RANBP17: variants seen among roughly 807,000 people sequenced by gnomAD.
RANBP17 encodes RAN binding protein 17.
Under a neutral mutation model 141.2 loss-of-function variants are expected in RANBP17, and 158 were observed. That is an observed-to-expected ratio of 1.12 (90% confidence interval 0.98 to 1.28). The LOEUF is 1.28. RANBP17 is among the 50% of genes most tolerant of loss of function. The pLI is 0.00. For missense variants in RANBP17, 1,438 were observed against 1,290.7 expected (o/e 1.11, Z -1.75); for synonymous variants, 430 against 450.0 (o/e 0.96, Z 0.56).
intron 5 of RANBP17, among the ~76,000 whole-genome samples, chr5:170,902,773 A>C (rs1028236047): frequency 5.9e-5 from 9 of 152,184 alleles, no homozygotes; most frequent in African/African-American, 2.2e-4. Flanking sequence ...TCTAACAGTC[A>C]GGCCCCTCTG....
intron 25 of RANBP17, among the ~76,000 whole-genome samples, chr5:171,287,901 G>A (rs956907169): frequency 6.6e-6 from 1 of 151,902 alleles, no homozygotes; most frequent in Non-Finnish European, 1.5e-5. Context: ...GGAGCAGGAG[G>A]GAATAGTCTG....
chr5:171,166,828 C>T (rs1430399751), intron 14 of RANBP17, among the ~76,000 whole-genome samples: 1 of 152,018 alleles, frequency 6.6e-6, no homozygotes, highest in Non-Finnish European at 1.5e-5. Context: ...TTTAAATGAC[C>T]CTGTCACACA....
At chr5:171,192,544 C>T (rs1231963905) in intron 18 of RANBP17, among the ~76,000 whole-genome samples, 3 of 152,184 alleles carry the variant, frequency 2.0e-5, no homozygotes, top group Middle Eastern at 3.4e-3. Context: ...TAAAGGGCAC[C>T]TCAGTTTTCT....
chr5:171,295,405 G>C (rs1307739235), intron 26 of RANBP17, among the ~76,000 whole-genome samples: 1 of 152,074 alleles, frequency 6.6e-6, no homozygotes, highest in East Asian at 1.9e-4. Context: ...CAGAGACTTG[G>C]AAAAAAGCCC....
chr5:171,124,029 C>A (rs1322638111), intron 14 of RANBP17, among the ~76,000 whole-genome samples: 1 of 151,156 alleles, frequency 6.6e-6, no homozygotes, highest in African/African-American at 2.4e-5. Context: ...AACAGATCCC[C>A]AAAAAAAGAA....
At chr5:170,972,832 G>T (rs1212549632) in intron 14 of RANBP17, among the ~76,000 whole-genome samples, 2 of 152,004 alleles carry the variant, frequency 1.3e-5, no homozygotes, top group South Asian at 4.1e-4. Context: ...GTAGGTGTCT[G>T]TTTCTATTGT....
chr5:171,217,798 G>A (rs769301483), intron 21 of RANBP17, among the ~76,000 whole-genome samples: 1 of 151,506 alleles, frequency 6.6e-6, no homozygotes, highest in Non-Finnish European at 1.5e-5. Context: ...TTCTTTATTA[G>A]TCTAGCTAGT....
intron 14 of RANBP17, among the ~76,000 whole-genome samples, chr5:171,139,335 A>G (rs982262895): frequency 2.6e-5 from 4 of 151,742 alleles, no homozygotes; most frequent in Non-Finnish European, 5.9e-5. Context: ...TCTCTTCCCT[A>G]CTCTACCCCA....
chr5:171,098,161 A>G (rs1403419773), intron 14 of RANBP17, among the ~76,000 whole-genome samples: 2 of 152,122 alleles, frequency 1.3e-5, no homozygotes, highest in African/African-American at 4.8e-5. Context: ...CAGTAATAGG[A>G]TTGCTGGGTC....
At chr5:171,050,181 T>C (rs1320102421) in intron 14 of RANBP17, among the ~76,000 whole-genome samples, 1 of 152,312 alleles carries the variant, frequency 6.6e-6, no homozygotes, top group East Asian at 1.9e-4. Context: ...ACCTTTAGAT[T>C]ACTTAACATT....
chr5:171,004,757 C>T (rs1387989055), intron 14 of RANBP17, among the ~76,000 whole-genome samples: 2 of 152,202 alleles, frequency 1.3e-5, no homozygotes, highest in South Asian at 2.1e-4. Context: ...ACAGTCTGAC[C>T]TCCAGCGGGG....
intron 14 of RANBP17, among the ~76,000 whole-genome samples, chr5:170,991,185 AT>A (rs901063442): frequency 6.6e-6 from 1 of 151,506 alleles, no homozygotes; most frequent in Non-Finnish European, 1.5e-5. Context: ...AAGTAGCTTT[AT>A]TTTTTTGAAG....
chr5:170,970,895 A>G (rs796994446), intron 14 of RANBP17, among the ~76,000 whole-genome samples: 30 of 152,228 alleles, frequency 2.0e-4, no homozygotes, highest in African/African-American at 7.0e-4. Context: ...ATAGACTGTA[A>G]TTTTGGTTAG....
intron 2 of RANBP17, among the ~76,000 whole-genome samples, chr5:170,881,244 T>C (rs1328251441): frequency 1.3e-5 from 2 of 152,168 alleles, no homozygotes; most frequent in African/African-American, 4.8e-5. Context: ...AGGGAGTATC[T>C]TTGCAAGAAT....
chr5:171,066,776 C>A (rs1236603818), intron 14 of RANBP17, among the ~76,000 whole-genome samples: 2 of 152,158 alleles, frequency 1.3e-5, no homozygotes, highest in Non-Finnish European at 2.9e-5. Context: ...TACTAAGTTA[C>A]ATTCCCACCA....
chr5:171,239,868 T>C (rs1299270682), intron 22 of RANBP17, among the ~76,000 whole-genome samples: 1 of 152,208 alleles, frequency 6.6e-6, no homozygotes, highest in Non-Finnish European at 1.5e-5. Flanking sequence ...GCAGCATTTC[T>C]ACCTGTTACT....
chr5:171,122,565 A>G (rs1429548659), intron 14 of RANBP17, among the ~76,000 whole-genome samples: 1 of 152,222 alleles, frequency 6.6e-6, no homozygotes, highest in African/African-American at 2.4e-5. Flanking sequence ...CAGCCTGGCC[A>G]GGATTGGCTC....
intron 15 of RANBP17, among the ~76,000 whole-genome samples, chr5:171,170,923 G>C (rs915703006): frequency 2.0e-5 from 3 of 151,882 alleles, no homozygotes; most frequent in Non-Finnish European, 4.4e-5. Context: ...ATATGTTTTG[G>C]GTACAAACTT....
chr5:170,895,095 T>C (rs899455422), intron 4 of RANBP17, among the ~76,000 whole-genome samples: 3 of 152,186 alleles, frequency 2.0e-5, no homozygotes, highest in African/African-American at 7.2e-5. Flanking sequence ...GTAGGAAATC[T>C]GGAGCTCAGT....
Sources: gnomAD v4.1 joint callset for allele counts (sites outside exome capture counted in the v4.1 genomes callset) on GRCh38, gnomAD v4.1.1 for gene constraint, MANE v1.5 for transcripts, NCBI Gene and HGNC (gene_info 2026-07-23, HGNC 2026-07-21) for gene names.